The following EEIG2 variants were observed in gnomAD, a reference collection of about 807,000 sequenced individuals.
EEIG2 encodes family with sequence similarity 102 member B.
At chr1:108,587,632 T>C in the EEIG2 span, among the ~76,000 whole-genome samples, 1 of 152,210 alleles carries the variant, frequency 6.6e-6, no homozygotes, top group Non-Finnish European at 1.5e-5. Flanking sequence ...AGTTTTGCCT[T>C]TTCCAGTATG....
the EEIG2 span, among the ~76,000 whole-genome samples, chr1:108,624,430 G>GT: frequency 2.8e-5 from 1 of 36,024 alleles, no homozygotes; most frequent in Non-Finnish European, 1.2e-4. Flanking sequence ...TTCTTGTTAT[G>GT]TTAAAAAAAA....
At chr1:108,570,679 G>T in the EEIG2 span, among the ~76,000 whole-genome samples, 1 of 152,174 alleles carries the variant, frequency 6.6e-6, no homozygotes, top group Non-Finnish European at 1.5e-5. Flanking sequence ...GTATGTCAGG[G>T]ATAGGAGGCA....
the EEIG2 span, among the ~76,000 whole-genome samples, chr1:108,614,284 T>A: frequency 1.6e-3 from 245 of 152,066 alleles, no homozygotes; most frequent in African/African-American, 5.7e-3. Context: ...TCCCCAACTT[T>A]TGTTAACTCA....
the EEIG2 span, among the ~76,000 whole-genome samples, chr1:108,605,497 C>T: frequency 1.3e-5 from 2 of 152,114 alleles, no homozygotes; most frequent in African/African-American, 2.4e-5. Flanking sequence ...AGAGACAACA[C>T]CATCCAGCAG....
chr1:108,595,264 G>A, the EEIG2 span, among the ~76,000 whole-genome samples: 1 of 151,414 alleles, frequency 6.6e-6, no homozygotes, highest in East Asian at 1.9e-4. Flanking sequence ...AAGGGAAGGA[G>A]GGATGGAGAG....
the EEIG2 span, among the ~76,000 whole-genome samples, chr1:108,597,654 T>C: frequency 6.6e-6 from 1 of 152,284 alleles, no homozygotes; most frequent in African/African-American, 2.4e-5. Context: ...AAACTAGTTA[T>C]CACTTGTCTG....
chr1:108,620,106 G>A, the EEIG2 span, among the ~76,000 whole-genome samples: 3 of 152,166 alleles, frequency 2.0e-5, no homozygotes, highest in African/African-American at 7.2e-5. Context: ...GCAATTGTGT[G>A]ACTTTACTCA....
At chr1:108,560,963 A>G in the EEIG2 span, among the ~76,000 whole-genome samples, 1 of 152,218 alleles carries the variant, frequency 6.6e-6, no homozygotes, top group Admixed American at 6.5e-5. Flanking sequence ...GCTTAGCACA[A>G]TTCCTTCTCC....
the EEIG2 span, among the ~76,000 whole-genome samples, chr1:108,634,085 C>A: frequency 1.3e-5 from 2 of 152,080 alleles, no homozygotes; most frequent in Non-Finnish European, 2.9e-5. Flanking sequence ...TTATTCTATC[C>A]GGTTTTCTAA....
At chr1:108,606,103 A>G in the EEIG2 span, 525 of 541,400 alleles carry the variant, frequency 9.7e-4, 6 homozygotes, top group East Asian at 0.014. Context: ...AGATCGTCAG[A>G]ATTTTACTGT....
At chr1:108,629,808 G>A in the EEIG2 span, 1 of 683,028 alleles carries the variant, frequency 1.5e-6, no homozygotes, top group Non-Finnish European at 2.7e-6. Context: ...AGCTCTTAGT[G>A]TAGCTCTCAG....
the EEIG2 span, among the ~76,000 whole-genome samples, chr1:108,569,620 G>C: frequency 6.6e-6 from 1 of 152,186 alleles, no homozygotes; most frequent in African/African-American, 2.4e-5. Context: ...ACTGTACCTA[G>C]CCTCACCTAA....
At chr1:108,629,516 T>C in the EEIG2 span, 1 of 1,051,130 alleles carries the variant, frequency 9.5e-7, no homozygotes. Flanking sequence ...ATATGAATTA[T>C]TACAATATCC....
At chr1:108,570,373 C>A in the EEIG2 span, among the ~76,000 whole-genome samples, 1 of 152,054 alleles carries the variant, frequency 6.6e-6, no homozygotes, top group South Asian at 2.1e-4. Flanking sequence ...AGACTTGGTT[C>A]TGTGCTGTAG....
At chr1:108,570,236 A>G in the EEIG2 span, among the ~76,000 whole-genome samples, 1 of 152,176 alleles carries the variant, frequency 6.6e-6, no homozygotes, top group Non-Finnish European at 1.5e-5. Flanking sequence ...AGAAAACAGA[A>G]TGATAAAGGG....
chr1:108,598,764 A>G, the EEIG2 span, among the ~76,000 whole-genome samples: 1 of 152,202 alleles, frequency 6.6e-6, no homozygotes, highest in Non-Finnish European at 1.5e-5. Context: ...ACACAAATAC[A>G]TACTTGATTT....
the EEIG2 span, among the ~76,000 whole-genome samples, chr1:108,602,382 C>A: frequency 2.6e-5 from 4 of 152,154 alleles, no homozygotes. Context: ...GAAACTCTCA[C>A]ACCTCTCGCC....
the EEIG2 span, chr1:108,627,137 T>G: frequency 6.6e-6 from 1 of 152,236 alleles, no homozygotes; most frequent in Non-Finnish European, 1.5e-5. Flanking sequence ...GATATGTGGA[T>G]GACTTAAGAT....
the EEIG2 span, among the ~76,000 whole-genome samples, chr1:108,571,420 A>T: frequency 6.6e-6 from 1 of 152,210 alleles, no homozygotes; most frequent in Non-Finnish European, 1.5e-5. Flanking sequence ...GGGTTTGTTT[A>T]ATCCTAGAAC....
Sources: allele counts gnomAD v4.1 joint callset (sites outside exome capture counted in the v4.1 genomes callset), GRCh38; gene constraint gnomAD v4.1.1; transcripts MANE v1.5; gene names NCBI Gene and HGNC (gene_info 2026-07-23, HGNC 2026-07-21).